The following FSTL5 variants were observed in gnomAD, a reference collection of about 807,000 sequenced individuals.
FSTL5 encodes the protein follistatin-related protein 5.
Under a neutral mutation model 89.1 loss-of-function variants are expected in FSTL5, and 62 were observed. The observed-to-expected ratio is 0.70, with a 90% CI of 0.57 to 0.86. The LOEUF is 0.86. Among genes scored for constraint, FSTL5 ranks in the 40% least tolerant of loss-of-function variants. FSTL5 has a pLI of 0.00. For missense variants in FSTL5, 1,057 were observed against 1,001.6 expected (o/e 1.06, Z -0.75); for synonymous variants, 383 against 346.2 (o/e 1.11, Z -1.18).
chr4:161,455,181 T>C, intron 14 of FSTL5, 53 bp from the exon 15 acceptor site: 1 of 1,410,700 alleles, frequency 7.1e-7, no homozygotes, highest in Non-Finnish European at 9.4e-7. Context: ...CTTCATAGTA[T>C]AAGCTTTAAT....
intron 6 of FSTL5, among the ~76,000 whole-genome samples, chr4:161,709,432 G>T (rs1738699111): frequency 6.6e-6 from 1 of 152,098 alleles, no homozygotes; most frequent in East Asian, 1.9e-4. Flanking sequence ...TCATTCAGAA[G>T]AGGTAAAAAA....
chr4:161,722,529 TA>T (rs1416572550), intron 6 of FSTL5, among the ~76,000 whole-genome samples: 1 of 152,182 alleles, frequency 6.6e-6, no homozygotes, highest in Non-Finnish European at 1.5e-5. Flanking sequence ...TTAGGTGATT[TA>T]CCCTACCTGT....
rs190804058 is a variant in FSTL5 at position 161,488,029 on chromosome 4, G to C, written c.1459-6860C>G. ...TAGATATAAAGTTCCCTTCAATATT[G>C]CTTTGCAATATTGGAAAAAAATCTT... On this transcript the variant is annotated intron_variant, in intron 12 of 15. Transcript: ENST00000306100. Among the ~76,000 whole-genome samples the C allele has an allele frequency of 2.1e-3, 312 of 151,094 alleles. 1 individual carries two copies. The highest frequency in any genetic ancestry group is 7.5e-3 in the African/African-American group (305 of 40,666).
chr4:161,655,773 A>T (rs1409517799), intron 7 of FSTL5, among the ~76,000 whole-genome samples: 1 of 152,094 alleles, frequency 6.6e-6, no homozygotes, highest in Non-Finnish European at 1.5e-5. Flanking sequence ...GTTCTGTAAG[A>T]TAATAGGATA....
intron 3 of FSTL5, among the ~76,000 whole-genome samples, chr4:162,021,585 T>C (rs930774179): frequency 6.6e-6 from 1 of 151,862 alleles, no homozygotes; most frequent in African/African-American, 2.4e-5. Context: ...TCATAACCAA[T>C]AGAATACTAC....
At chr4:161,419,933 C>G (rs1413343995) in intron 15 of FSTL5, among the ~76,000 whole-genome samples, 1 of 152,190 alleles carries the variant, frequency 6.6e-6, no homozygotes, top group Non-Finnish European at 1.5e-5. Context: ...AAAACTGTCA[C>G]AAGGCCAGTT....
rs768997156 is a variant in FSTL5, at chr4:161,783,732, T to TTTCTTTCTTTCTTTCTTTCTTTC, written c.410-7659_410-7658insGAAAGAAAGAAAGAAAGAAAGAA. ...CTTTCTTTCTTTCTTTCTTCTTTTCTTTTCTTTCTTTCTTTCTTTCTTTCT... is the reference window on the plus strand; with the variant it reads ...CTTTCTTTCTTTCTTTCTTCTTTTCTTTCTTTCTTTCTTTCTTTCTTTCTTTCTTTCTTTCTTTCTTTCTTTCT... On this transcript the variant is annotated intron_variant, in intron 4 of 15. Coordinates refer to ENST00000306100, the MANE Select transcript of FSTL5 (RefSeq NM_020116.5). Among the ~76,000 whole-genome samples, 8 of 14,546 alleles carry TTTCTTTCTTTCTTTCTTTCTTTC rather than the reference T, an allele frequency of 5.5e-4. 3 individuals are homozygous for TTTCTTTCTTTCTTTCTTTCTTTC. Among genetic ancestry groups the TTTCTTTCTTTCTTTCTTTCTTTC allele is most frequent in the East Asian group, 7.9e-3 (2 of 252 alleles). The allele number at this position is 14,546 out of a possible 152,430, so 9.5% of individuals were successfully genotyped here. A position where few individuals can be genotyped will look rare whatever the true frequency, so the allele number is the denominator to read the frequency against.
chr4:161,856,393 T>A (rs1731722070), intron 4 of FSTL5, among the ~76,000 whole-genome samples: 1 of 152,026 alleles, frequency 6.6e-6, no homozygotes, highest in Admixed American at 6.6e-5. Context: ...TAAAATTAAA[T>A]AAATAATGAT....
intron 10 of FSTL5, among the ~76,000 whole-genome samples, chr4:161,533,682 C>G (rs1352254644): frequency 6.6e-6 from 1 of 151,920 alleles, no homozygotes; most frequent in Non-Finnish European, 1.5e-5. Context: ...TGAAACTATT[C>G]AAAAAAATTG....
chr4:161,853,230 C>A (rs1341147077), intron 4 of FSTL5, among the ~76,000 whole-genome samples: 1 of 152,084 alleles, frequency 6.6e-6, no homozygotes, highest in Non-Finnish European at 1.5e-5. Context: ...TCATGTAGAT[C>A]ATGTAGATTA....
chr4:161,460,898 T>G (rs1733543838), intron 13 of FSTL5, among the ~76,000 whole-genome samples: 1 of 151,190 alleles, frequency 6.6e-6, no homozygotes, highest in Non-Finnish European at 1.5e-5. Flanking sequence ...TGACTGATAT[T>G]GAGTTTCCCA....
At position 161,608,535 on chromosome 4, in the gene FSTL5, T is replaced by C. The variant is rs562371799; in HGVS notation, c.895-20960A>G. ...TAAGAAAAATGTGTAAAAAGAGTAA[T>C]TGCAAATAAGTTATATTTCATAATT... On this transcript the variant is annotated intron_variant, in intron 7 of 15. Coordinates refer to ENST00000306100, the MANE Select transcript of FSTL5 (RefSeq NM_020116.5). 4.0e-3 allele frequency among the ~76,000 whole-genome samples: 607 copies of C among 152,104 alleles called. 1 individual carries two copies. The highest frequency in any genetic ancestry group is 6.7e-3 in the Non-Finnish European group (455 of 67,912).
At chr4:161,562,511 T>A (rs1189182484) in intron 8 of FSTL5, among the ~76,000 whole-genome samples, 3 of 152,000 alleles carry the variant, frequency 2.0e-5, no homozygotes, top group African/African-American at 4.8e-5. Context: ...ATAATTCTTC[T>A]ATAATTTATA....
At chr4:161,666,248 G>T (rs975186715) in intron 6 of FSTL5, among the ~76,000 whole-genome samples, 9 of 151,838 alleles carry the variant, frequency 5.9e-5, no homozygotes, top group African/African-American at 2.2e-4. Flanking sequence ...ATCAATAAAA[G>T]ACTTGAAAAA....
At chr4:161,487,636 C>A (rs2126464044) in intron 12 of FSTL5, among the ~76,000 whole-genome samples, 1 of 152,004 alleles carries the variant, frequency 6.6e-6, no homozygotes, top group Non-Finnish European at 1.5e-5. Flanking sequence ...TTTTCTCCCA[C>A]AGAGTTTAGG....
chr4:161,564,078 T>C, intron 8 of FSTL5, among the ~76,000 whole-genome samples: 1 of 152,004 alleles, frequency 6.6e-6, no homozygotes, highest in Non-Finnish European at 1.5e-5. Context: ...AAACATTTGA[T>C]ATTAATTTTC....
Position 161,645,189 on chromosome 4 carries a change from C to T in FSTL5, c.894+11139G>A, listed in dbSNP as rs1476277964. 1.8e-4 allele frequency among the ~76,000 whole-genome samples: 27 copies of T among 151,574 alleles called. 1 individual carries two copies. Among genetic ancestry groups the T allele is most frequent in the Non-Finnish European group, 1.5e-5 (1 of 67,890 alleles). On this transcript the variant is annotated intron_variant, in intron 7 of 15. Coordinates refer to ENST00000306100, the MANE Select transcript of FSTL5 (RefSeq NM_020116.5). ...ATAATGCCAAAAAAAAAATTAGAAACACATGCTTTATACATTTAAAAATAA... is the reference window on the plus strand; with the variant it reads ...ATAATGCCAAAAAAAAAATTAGAAATACATGCTTTATACATTTAAAAATAA...
intron 10 of FSTL5, among the ~76,000 whole-genome samples, chr4:161,524,121 G>A (rs1560936903): frequency 6.6e-6 from 1 of 152,098 alleles, no homozygotes; most frequent in Non-Finnish European, 1.5e-5. Context: ...TCTTTCTGAA[G>A]CTTGCTAGCT....
chr4:161,872,060 C>T (rs922261072), intron 4 of FSTL5, among the ~76,000 whole-genome samples: 21 of 148,316 alleles, frequency 1.4e-4, no homozygotes, highest in South Asian at 4.3e-4. Context: ...GGTGTGATCT[C>T]GGCTCAGCCT....
Sources: gnomAD v4.1 joint callset for allele counts (sites outside exome capture counted in the v4.1 genomes callset) on GRCh38, gnomAD v4.1.1 for gene constraint, MANE v1.5 for transcripts, NCBI Gene and HGNC (gene_info 2026-07-23, HGNC 2026-07-21) for gene names.